Variants in MGMT observed in about 807,000 individuals in gnomAD.
The protein encoded by MGMT is O-6-methylguanine-DNA methyltransferase, also known as methylated-DNA--protein-cysteine methyltransferase.
Under a neutral mutation model 15.9 loss-of-function variants are expected in MGMT, and 14 were observed. The ratio of observed to expected loss-of-function variants is 0.88; its 90% confidence interval spans 0.58 to 1.37. MGMT has a LOEUF of 1.37. MGMT is among the 40% of genes most tolerant of loss of function. The pLI is 0.00. For synonymous variants in MGMT, 130 were observed against 118.2 expected (o/e 1.10, Z -0.65); for missense variants, 282 against 268.1 (o/e 1.05, Z -0.36).
At chr10:129,509,086 G>C (rs1845654883) in intron 1 of MGMT, among the ~76,000 whole-genome samples, 2 of 152,120 alleles carry the variant, frequency 1.3e-5, no homozygotes. Context: ...TCATTTCCGG[G>C]TGAAGCCAAG....
At chr10:129,624,709 G>A (rs140442197) in intron 2 of MGMT, among the ~76,000 whole-genome samples, 9 of 152,314 alleles carry the variant, frequency 5.9e-5, no homozygotes, top group African/African-American at 1.4e-4. Context: ...GTGCGGCGGC[G>A]AGGACTTCGG....
chr10:129,607,941 G>T (rs1158580387), intron 2 of MGMT, among the ~76,000 whole-genome samples: 2 of 152,204 alleles, frequency 1.3e-5, no homozygotes, highest in East Asian at 1.9e-4. Flanking sequence ...CACATGCGAG[G>T]TTGCCAAATC....
At chr10:129,467,814 T>TA (rs1339765004) in intron 1 of MGMT, among the ~76,000 whole-genome samples, 1 of 152,296 alleles carries the variant, frequency 6.6e-6, no homozygotes, top group East Asian at 1.9e-4. Context: ...CATCAACACT[T>TA]AGAGTAAGCA....
intron 1 of MGMT, among the ~76,000 whole-genome samples, chr10:129,471,224 T>G (rs1033103360): frequency 1.3e-5 from 2 of 152,232 alleles, no homozygotes; most frequent in Non-Finnish European, 2.9e-5. Context: ...CAGTTTTTAC[T>G]GACAAATTGA....
chr10:129,514,392 G>C (rs569855154), intron 1 of MGMT, among the ~76,000 whole-genome samples: 3 of 152,224 alleles, frequency 2.0e-5, no homozygotes, highest in African/African-American at 7.2e-5. Flanking sequence ...TTGAAACATA[G>C]ATTCCATGTA....
intron 2 of MGMT, among the ~76,000 whole-genome samples, chr10:129,683,588 G>C (rs2133122095): frequency 6.6e-6 from 1 of 152,232 alleles, no homozygotes; most frequent in South Asian, 2.1e-4. Context: ...GCCTCTTATT[G>C]ACAGTAATAT....
In MGMT at chr10:129,766,824, A is replaced by G. The variant is rs1211320450; in HGVS notation, c.451A>G (p.Ser151Gly). 1 of 1,613,480 alleles carries G rather than the reference A, an allele frequency of 6.2e-7. No homozygotes were observed. Among genetic ancestry groups the G allele is most frequent in the Non-Finnish European group, 8.5e-7 (1 of 1,180,024 alleles). The change falls in exon 5 of 5, where the codon AGC becomes GGC. Residue 151 changes from serine (S) to glycine (G), a missense_variant. Coordinates refer to ENST00000651593, the MANE Select transcript of MGMT (RefSeq NM_002412.5). ...ILIPCHRVVC[S>G]SGAVGNYSGG... ...CATCCCGTGCCACAGAGTGGTCTGC[A>G]GCAGCGGAGCCGTGGGCAACTACTC...
At position 129,558,930 on chromosome 10, in the gene MGMT, T is replaced by TG. The variant is rs1357888352; in HGVS notation, c.125+22558dup. On this transcript the variant is annotated intron_variant, in intron 2 of 4. Transcript: ENST00000651593. ...GACGCCGGGCTGGTCTGTTCTGCTC[T>TG]GGGGGCGGCGTGTGCTCTCATTTCA... is the stretch of plus-strand genomic sequence containing the variant. Among the ~76,000 whole-genome samples the TG allele has an allele frequency of 2.6e-5, 4 of 152,312 alleles. No homozygotes were observed. In the East Asian group the frequency reaches 7.7e-4, roughly 29 times the overall value.
At chr10:129,553,852 G>A (rs943853692) in intron 2 of MGMT, among the ~76,000 whole-genome samples, 5 of 152,224 alleles carry the variant, frequency 3.3e-5, no homozygotes, top group Non-Finnish European at 7.3e-5. Context: ...AAGGCTGAGT[G>A]CAGGTGCCAG....
chr10:129,481,459 C>G (rs1845357346), intron 1 of MGMT, among the ~76,000 whole-genome samples: 2 of 152,200 alleles, frequency 1.3e-5, no homozygotes, highest in African/African-American at 2.4e-5. Flanking sequence ...CAATCTTGCA[C>G]TCATAAAATG....
chr10:129,699,575 C>T (rs1354320679), intron 2 of MGMT, among the ~76,000 whole-genome samples: 5 of 151,956 alleles, frequency 3.3e-5, no homozygotes, highest in East Asian at 1.9e-4. Context: ...TACATGAACC[C>T]GTTGGTGGCC....
At chr10:129,509,808 A>C (rs1046634618) in intron 1 of MGMT, among the ~76,000 whole-genome samples, 5 of 152,240 alleles carry the variant, frequency 3.3e-5, no homozygotes, top group African/African-American at 1.2e-4. Flanking sequence ...TTTAGAAAGC[A>C]TCTCCTGTCC....
intron 3 of MGMT, among the ~76,000 whole-genome samples, chr10:129,747,340 G>A (rs1848705955): frequency 6.6e-6 from 1 of 152,144 alleles, no homozygotes; most frequent in Non-Finnish European, 1.5e-5. Flanking sequence ...TGCAGATACA[G>A]TTGTCAGATT....
chr10:129,664,334 T>A (rs72838593), intron 2 of MGMT, among the ~76,000 whole-genome samples: 9,837 of 152,314 alleles, frequency 0.065, 433 homozygotes, highest in Non-Finnish European at 0.097. Context: ...TGTGGAATTA[T>A]TTCATGTGTA....
At chr10:129,731,304 A>G (rs1056505952) in intron 3 of MGMT, among the ~76,000 whole-genome samples, 6 of 147,328 alleles carry the variant, frequency 4.1e-5, no homozygotes, top group Non-Finnish European at 7.5e-5. Context: ...AGAGCTTTTG[A>G]TGATAAGGGC....
At chr10:129,744,432 A>G (rs2133174620) in intron 3 of MGMT, among the ~76,000 whole-genome samples, 1 of 152,360 alleles carries the variant, frequency 6.6e-6, no homozygotes, top group Middle Eastern at 3.4e-3. Flanking sequence ...GCAAGCCACA[A>G]GCCAGATGTC....
intron 2 of MGMT, among the ~76,000 whole-genome samples, chr10:129,671,090 T>C (rs986393916): frequency 1.3e-5 from 2 of 152,232 alleles, no homozygotes; most frequent in Admixed American, 1.3e-4. Context: ...GCCAGTTCTT[T>C]AATTTACGAG....
At chr10:129,569,882 A>G (rs1250601672) in intron 2 of MGMT, among the ~76,000 whole-genome samples, 1 of 152,222 alleles carries the variant, frequency 6.6e-6, no homozygotes, top group Non-Finnish European at 1.5e-5. Context: ...TTTTGCCTTC[A>G]GAGCCACCAA....
At chr10:129,582,506 C>T (rs768542054) in intron 2 of MGMT, among the ~76,000 whole-genome samples, 7 of 152,142 alleles carry the variant, frequency 4.6e-5, no homozygotes, top group Non-Finnish European at 7.3e-5. Context: ...CTCCGTACAA[C>T]GTCTTCCCGA....
Sources: gnomAD v4.1 joint callset for allele counts (sites outside exome capture counted in the v4.1 genomes callset) on GRCh38, gnomAD v4.1.1 for gene constraint, MANE v1.5 for transcripts, NCBI Gene and HGNC (gene_info 2026-07-23, HGNC 2026-07-21) for gene names.